LRRC37A2: variants seen among roughly 807,000 people sequenced by gnomAD.
LRRC37A2 encodes the protein leucine rich repeat containing 37 member A2.
A neutral mutation model predicts 68.8 loss-of-function variants in LRRC37A2; 9 were observed. The observed-to-expected ratio is 0.13, with a 90% CI of 0.08 to 0.23. LRRC37A2 has a LOEUF of 0.23. Among genes scored for constraint, LRRC37A2 ranks in the 10% least tolerant of loss-of-function variants. LRRC37A2 has a pLI of 1.00. For missense variants in LRRC37A2, 168 were observed against 950.4 expected (o/e 0.18, Z 10.82); for synonymous variants, 63 against 367.6 (o/e 0.17, Z 9.48).
chr17:46,709,483 C>T, the LRRC37A2 span, among the ~76,000 whole-genome samples: 1 of 151,652 alleles, frequency 6.6e-6, no homozygotes, highest in Admixed American at 6.6e-5. Flanking sequence ...AAGACAAAAG[C>T]CAGCCTATAA....
chr17:46,962,681 T>C, the LRRC37A2 span, among the ~76,000 whole-genome samples: 1 of 152,216 alleles, frequency 6.6e-6, no homozygotes, highest in South Asian at 2.1e-4. Flanking sequence ...GCCTTCCAGC[T>C]GTCCCTGCCA....
chr17:46,708,752 C>T, the LRRC37A2 span, among the ~76,000 whole-genome samples: 1 of 147,314 alleles, frequency 6.8e-6, no homozygotes, highest in South Asian at 2.1e-4. Context: ...CCTCAGCCTC[C>T]CAGTGTGCTA....
At chr17:46,876,918 G>C in the LRRC37A2 span, 63 of 1,357,544 alleles carry the variant, frequency 4.6e-5, 1 homozygote, top group African/African-American at 8.2e-4. Context: ...GAGAAGCAAA[G>C]CCTCCTCCCT....
At chr17:46,786,990 T>C in the LRRC37A2 span, among the ~76,000 whole-genome samples, 1 of 151,732 alleles carries the variant, frequency 6.6e-6, no homozygotes, top group Non-Finnish European at 1.5e-5. Context: ...CAGGCTGCAG[T>C]GCAGTGGCAC....
intron 6 of LRRC37A2, among the ~76,000 whole-genome samples, chr17:46,525,527 C>T (rs1212498178): frequency 1.8e-5 from 2 of 111,458 alleles, no homozygotes; most frequent in Admixed American, 1.7e-4. Context: ...GCGGAGGTTG[C>T]AGTGAGCCGA....
At chr17:46,956,017 C>T in the LRRC37A2 span, among the ~76,000 whole-genome samples, 4 of 152,170 alleles carry the variant, frequency 2.6e-5, no homozygotes, top group African/African-American at 4.8e-5. Flanking sequence ...TTCCATGCCC[C>T]ATGGAGCCTC....
At chr17:46,994,249 G>A in the LRRC37A2 span, among the ~76,000 whole-genome samples, 13 of 152,138 alleles carry the variant, frequency 8.5e-5, no homozygotes, top group Admixed American at 2.0e-4. Context: ...GCCAGGTGTG[G>A]TGGGGGGCGC....
At chr17:47,022,142 T>C in the LRRC37A2 span, among the ~76,000 whole-genome samples, 1 of 136,996 alleles carries the variant, frequency 7.3e-6, no homozygotes, top group African/African-American at 2.6e-5. Context: ...ATACAAATAA[T>C]ACATGGTTAT....
the LRRC37A2 span, among the ~76,000 whole-genome samples, chr17:46,770,603 G>C: frequency 6.6e-6 from 1 of 152,078 alleles, no homozygotes; most frequent in Non-Finnish European, 1.5e-5. Flanking sequence ...AAATGGACAC[G>C]GCTTCCCTCC....
the LRRC37A2 span, among the ~76,000 whole-genome samples, chr17:46,959,734 C>G: frequency 6.6e-6 from 1 of 152,156 alleles, no homozygotes; most frequent in African/African-American, 2.4e-5. Flanking sequence ...GGGCTCTCTC[C>G]TTTGCCATCC....
At chr17:46,849,105 C>A in the LRRC37A2 span, among the ~76,000 whole-genome samples, 1,604 of 152,278 alleles carry the variant, frequency 0.011, 29 homozygotes, top group African/African-American at 0.032. Flanking sequence ...CAGACAGAAA[C>A]CTGGTACAGT....
chr17:46,890,278 T>C, the LRRC37A2 span, among the ~76,000 whole-genome samples: 1 of 152,218 alleles, frequency 6.6e-6, no homozygotes, highest in African/African-American at 2.4e-5. Context: ...CTGCCTAAAG[T>C]GCTCCACGAG....
the LRRC37A2 span, chr17:47,021,720 C>T: frequency 1.3e-6 from 1 of 762,456 alleles, no homozygotes; most frequent in South Asian, 1.7e-5. Flanking sequence ...AAGCTGATAG[C>T]TCTGGAAATG....
the LRRC37A2 span, chr17:47,017,547 C>T: frequency 6.3e-7 from 1 of 1,596,586 alleles, no homozygotes; most frequent in Non-Finnish European, 8.5e-7. Flanking sequence ...AGCTGGAGAG[C>T]TGCCCCTGGA....
the LRRC37A2 span, chr17:46,952,921 G>C: frequency 2.6e-5 from 4 of 152,048 alleles, no homozygotes; most frequent in African/African-American, 7.2e-5. Flanking sequence ...CCCTGCCTCT[G>C]TTCTCTCCTC....
chr17:46,924,645 G>A, the LRRC37A2 span, among the ~76,000 whole-genome samples: 2 of 152,200 alleles, frequency 1.3e-5, no homozygotes, highest in South Asian at 2.1e-4. Flanking sequence ...TTATTTTGGC[G>A]ATGAGGTGTT....
the LRRC37A2 span, among the ~76,000 whole-genome samples, chr17:46,862,213 A>G: frequency 6.6e-6 from 1 of 151,958 alleles, no homozygotes; most frequent in Admixed American, 6.6e-5. Context: ...GAAAAGTAAT[A>G]TAGGAGGTAG....
chr17:46,550,728 G>A (rs147180978), intron 11 of LRRC37A2, among the ~76,000 whole-genome samples: 1,711 of 133,508 alleles, frequency 0.013, 221 homozygotes, highest in African/African-American at 0.045. Flanking sequence ...AGATCTCTGT[G>A]AATTGAAACC....
the LRRC37A2 span, chr17:46,876,345 C>T: frequency 2.5e-4 from 407 of 1,614,146 alleles, no homozygotes; most frequent in African/African-American, 1.0e-3. Context: ...TTCCGTGAGA[C>T]GGGCCAGGTG....
Sources: gnomAD v4.1 joint callset for allele counts (sites outside exome capture counted in the v4.1 genomes callset) on GRCh38, gnomAD v4.1.1 for gene constraint, MANE v1.5 for transcripts, NCBI Gene and HGNC (gene_info 2026-07-23, HGNC 2026-07-21) for gene names.